Variants in SETD3 observed in about 807,000 individuals in gnomAD.
The protein encoded by SETD3 is SET domain containing 3, actin N3(tau)-histidine methyltransferase, also known as actin-histidine N-methyltransferase.
Under a neutral mutation model 63.0 loss-of-function variants are expected in SETD3, and 19 were observed. That is an observed-to-expected ratio of 0.30 (90% CI 0.21 to 0.44). SETD3 has a LOEUF of 0.44. Ranked by LOEUF, SETD3 falls within the 20% of genes least tolerant of loss-of-function variation. The pLI, the probability that SETD3 is intolerant of heterozygous loss-of-function variation, is 1.00. For missense variants in SETD3, 587 were observed against 728.5 expected (o/e 0.81, Z 2.24); for synonymous variants, 286 against 264.1 (o/e 1.08, Z -0.80).
chr14:99,456,358 C>T (rs1894759497), intron 6 of SETD3, among the ~76,000 whole-genome samples: 1 of 152,108 alleles, frequency 6.6e-6, no homozygotes, highest in African/African-American at 2.4e-5. Context: ...GGTAATTTCA[C>T]ATTTGTATGT....
At position 99,480,808 on chromosome 14, in the gene SETD3, T is replaced by TGGCGGCGGTGGC. The variant is rs1469712405; in HGVS notation, c.-101_-90dup. On this transcript the variant is annotated 5_prime_UTR_variant, in exon 1 of 13. Transcript: ENST00000331768. ...TCCGCCTCAACCAACCCCCAGGCGGTGGCGGCGGTGGCGGCGGCGGCGGCC... is the reference window on the plus strand; with the variant it reads ...TCCGCCTCAACCAACCCCCAGGCGGTGGCGGCGGTGGCGGCGGCGGTGGCGGCGGCGGCGGCC... 1 of 161,752 alleles carries TGGCGGCGGTGGC rather than the reference T, an allele frequency of 6.2e-6. No individual in the cohort carries two copies. Among genetic ancestry groups the TGGCGGCGGTGGC allele is most frequent in the Admixed American group, 6.6e-5 (1 of 15,216 alleles). The allele number at this position is 161,752 out of a possible 1,614,324, so 10.0% of individuals were successfully genotyped here. A position where few individuals can be genotyped will look rare whatever the true frequency, so the allele number is the denominator to read the frequency against.
chr14:99,415,548 ATTTC>A (rs1411544431), intron 6 of SETD3, among the ~76,000 whole-genome samples: 8 of 152,016 alleles, frequency 5.3e-5, no homozygotes, highest in Non-Finnish European at 1.2e-4. Context: ...ATTCATACAC[ATTTC>A]TTACCCAACA....
At chr14:99,481,710 C>A, upstream of SETD3, 1 of 382,882 alleles carries the variant, frequency 2.6e-6, no homozygotes, top group Non-Finnish European at 4.6e-6. Context: ...CGGACTCACC[C>A]TAGAACTGGT....
chr14:99,403,967 A>G (rs746024192), intron 11 of SETD3, among the ~76,000 whole-genome samples: 3 of 152,198 alleles, frequency 2.0e-5, no homozygotes, highest in Non-Finnish European at 2.9e-5. Flanking sequence ...CCTATCCAAG[A>G]TGTTTTAAGT....
intron 1 of SETD3, among the ~76,000 whole-genome samples, chr14:99,478,460 A>G (rs976803114): frequency 6.6e-6 from 1 of 152,218 alleles, no homozygotes; most frequent in Non-Finnish European, 1.5e-5. Context: ...CAAAAGAAAG[A>G]TACAGTATTA....
chr14:99,462,384 C>A (rs1895117959), intron 3 of SETD3, among the ~76,000 whole-genome samples: 1 of 152,178 alleles, frequency 6.6e-6, no homozygotes. Flanking sequence ...TGGCACATAG[C>A]TCAGGCGCCT....
At chr14:99,482,415 C>T (rs138900261), upstream of SETD3, among the ~76,000 whole-genome samples, 8 of 152,258 alleles carry the variant, frequency 5.3e-5, no homozygotes, top group African/African-American at 1.9e-4. Flanking sequence ...GTTTAATAAG[C>T]CCTCTGTATT....
At chr14:99,454,780 T>C (rs1365519210) in intron 6 of SETD3, among the ~76,000 whole-genome samples, 1 of 152,042 alleles carries the variant, frequency 6.6e-6, no homozygotes, top group Non-Finnish European at 1.5e-5. Flanking sequence ...GGTGCTGCAG[T>C]GATTTCAGCC....
chr14:99,482,042 G>T (rs1194971897), upstream of SETD3, among the ~76,000 whole-genome samples: 2 of 152,190 alleles, frequency 1.3e-5, no homozygotes, highest in East Asian at 3.9e-4. Flanking sequence ...GGTTGATTTG[G>T]TTTGTTATGA....
In SETD3 at chr14:99,426,943, C is replaced by G. The variant is rs375141510; in HGVS notation, c.676-13009G>C. Among the ~76,000 whole-genome samples the G allele has an allele frequency of 5.8e-4, 89 of 152,274 alleles. 2 individuals carry two copies. In the South Asian group the frequency reaches 0.018, roughly 31 times the overall value. On this transcript the variant is annotated intron_variant, in intron 6 of 12. Transcript: ENST00000331768. ...CCTACTCCCCACCTTCTGCCTCCCC[C>G]ACACTGCATGCCCCACATGCTGCAA...
At chr14:99,401,195 G>C (rs777834779) in intron 11 of SETD3, among the ~76,000 whole-genome samples, 1 of 151,534 alleles carries the variant, frequency 6.6e-6, no homozygotes, top group Non-Finnish European at 1.5e-5. Context: ...TCTCTCACTT[G>C]TCAGGAATTT....
At chr14:99,473,986 T>A (rs1323481269) in intron 1 of SETD3, among the ~76,000 whole-genome samples, 1 of 152,254 alleles carries the variant, frequency 6.6e-6, no homozygotes, top group Non-Finnish European at 1.5e-5. Context: ...CATACCAGTT[T>A]ACACGGCTAA....
At chr14:99,457,283 C>A (rs1894813648) in intron 6 of SETD3, among the ~76,000 whole-genome samples, 1 of 152,212 alleles carries the variant, frequency 6.6e-6, no homozygotes, top group Admixed American at 6.5e-5. Flanking sequence ...TGATTGATTT[C>A]CACATGAAGA....
At chr14:99,420,001 A>T (rs1043327534) in intron 6 of SETD3, among the ~76,000 whole-genome samples, 69 of 152,202 alleles carry the variant, frequency 4.5e-4, no homozygotes, top group African/African-American at 1.6e-3. Flanking sequence ...AGTGGAAGGC[A>T]CTGTACATCA....
At chr14:99,458,649 A>T in intron 5 of SETD3, 114 bp from the exon 6 acceptor site, 1 of 1,233,640 alleles carries the variant, frequency 8.1e-7, no homozygotes. Context: ...ATTTAAAGTC[A>T]GGTACAGGCT....
At chr14:99,418,257 T>TA (rs555335503) in intron 6 of SETD3, among the ~76,000 whole-genome samples, 54 of 152,272 alleles carry the variant, frequency 3.5e-4, no homozygotes, top group Non-Finnish European at 5.4e-4. Flanking sequence ...CTTGTTCTGA[T>TA]AAAAAAACCA....
At chr14:99,450,472 CCT>C (rs1301913697) in intron 6 of SETD3, among the ~76,000 whole-genome samples, 1 of 152,200 alleles carries the variant, frequency 6.6e-6, no homozygotes, top group Non-Finnish European at 1.5e-5. Context: ...CTTGGCGGGC[CCT>C]GTTTTCAGAG....
intron 6 of SETD3, among the ~76,000 whole-genome samples, chr14:99,419,486 C>CT (rs1056691418): frequency 5.3e-5 from 8 of 152,054 alleles, no homozygotes; most frequent in African/African-American, 1.9e-4. Context: ...GTTTAAAAAC[C>CT]TTTTTATGGC....
intron 6 of SETD3, among the ~76,000 whole-genome samples, chr14:99,453,883 C>A (rs1277850954): frequency 2.6e-5 from 4 of 152,060 alleles, no homozygotes. Flanking sequence ...CCCTTCACAG[C>A]TGGTTAGTTT....
Sources: allele counts gnomAD v4.1 joint callset (sites outside exome capture counted in the v4.1 genomes callset), GRCh38; gene constraint gnomAD v4.1.1; transcripts MANE v1.5; gene names NCBI Gene and HGNC (gene_info 2026-07-23, HGNC 2026-07-21).